The following PDE11A variants were observed in gnomAD, a reference collection of about 807,000 sequenced individuals.
The protein encoded by PDE11A is phosphodiesterase 11A, also known as dual 3',5'-cyclic-AMP and -GMP phosphodiesterase 11A.
A neutral mutation model predicts 100.5 loss-of-function variants in PDE11A; 100 were observed. The ratio of observed to expected loss-of-function variants is 1.00; its 90% confidence interval spans 0.85 to 1.18. PDE11A has a LOEUF of 1.18. PDE11A is among the 50% of genes most tolerant of loss of function. The probability of loss-of-function intolerance (pLI) is 0.00; values close to 1 mark genes in which losing one functional copy is unlikely to be tolerated. For missense variants in PDE11A, 1,141 were observed against 1,152.6 expected, an observed-to-expected ratio of 0.99 and a Z score of 0.15; for synonymous variants, 381 against 420.8, an observed-to-expected ratio of 0.91 and a Z score of 1.16.
chr2:177,923,570 A>G (rs896473897), intron 2 of PDE11A, among the ~76,000 whole-genome samples: 1 of 152,080 alleles, frequency 6.6e-6, no homozygotes, highest in Non-Finnish European at 1.5e-5. Flanking sequence ...AAGAAAACCA[A>G]TCCTCTAGTA....
chr2:178,093,281 A>T (rs1436577617), intron 2 of PDE11A, among the ~76,000 whole-genome samples: 7 of 152,200 alleles, frequency 4.6e-5, no homozygotes, highest in Non-Finnish European at 8.8e-5. Context: ...AGTTCCTTCT[A>T]GAAAAGGTCT....
intron 2 of PDE11A, among the ~76,000 whole-genome samples, chr2:177,988,763 C>T (rs1436388681): frequency 6.6e-6 from 1 of 152,092 alleles, no homozygotes; most frequent in Non-Finnish European, 1.5e-5. Context: ...TGTTGGAAGT[C>T]AAAAGGATGA....
At chr2:178,017,309 A>C (rs2086350998) in intron 1 of PDE11A, among the ~76,000 whole-genome samples, 1 of 152,246 alleles carries the variant, frequency 6.6e-6, no homozygotes. Flanking sequence ...AGCCATTTGA[A>C]TGTTGATCAA....
intron 19 of PDE11A, among the ~76,000 whole-genome samples, chr2:177,633,315 C>T (rs958586942): frequency 1.3e-5 from 2 of 152,232 alleles, no homozygotes; most frequent in Non-Finnish European, 2.9e-5. Context: ...GGAAGAATAG[C>T]TCTTTTTCTG....
intron 10 of PDE11A, among the ~76,000 whole-genome samples, chr2:177,751,846 T>C (rs1280169671): frequency 6.6e-6 from 1 of 152,230 alleles, no homozygotes; most frequent in Non-Finnish European, 1.5e-5. Flanking sequence ...CTAGGATACA[T>C]ACAGGTTTTT....
intron 1 of PDE11A, among the ~76,000 whole-genome samples, chr2:178,017,538 G>T (rs1444891463): frequency 6.6e-6 from 1 of 152,106 alleles, no homozygotes; most frequent in African/African-American, 2.4e-5. Context: ...AAGTATAAAA[G>T]CATGTAAGGG....
chr2:177,987,794 C>A (rs938121943), intron 2 of PDE11A, among the ~76,000 whole-genome samples: 1 of 151,944 alleles, frequency 6.6e-6, no homozygotes, highest in African/African-American at 2.4e-5. Flanking sequence ...TTATTTTTTG[C>A]TTAATACTTT....
intron 4 of PDE11A, among the ~76,000 whole-genome samples, chr2:177,889,096 G>T (rs2084486898): frequency 1.3e-5 from 2 of 152,060 alleles, no homozygotes; most frequent in Admixed American, 6.5e-5. Context: ...AACTACATTT[G>T]CTGTGCTCTT....
intron 19 of PDE11A, among the ~76,000 whole-genome samples, chr2:177,658,978 G>T (rs1260107505): frequency 1.3e-5 from 2 of 151,816 alleles, no homozygotes; most frequent in Non-Finnish European, 2.9e-5. Flanking sequence ...GAAGGCAGAG[G>T]CTGGGCATGG....
At chr2:178,046,430 T>G (rs2086752080) in intron 1 of PDE11A, among the ~76,000 whole-genome samples, 1 of 152,214 alleles carries the variant, frequency 6.6e-6, no homozygotes, top group African/African-American at 2.4e-5. Flanking sequence ...GTCTAAGAAA[T>G]TATAGAAAGA....
At chr2:178,083,777 G>A (rs1299083642) in intron 2 of PDE11A, among the ~76,000 whole-genome samples, 1 of 152,180 alleles carries the variant, frequency 6.6e-6, no homozygotes, top group African/African-American at 2.4e-5. Context: ...ATGAAATTTA[G>A]TGACAGAAAA....
intron 2 of PDE11A, among the ~76,000 whole-genome samples, chr2:177,969,283 G>A (rs1224764150): frequency 6.6e-6 from 1 of 152,138 alleles, no homozygotes; most frequent in Non-Finnish European, 1.5e-5. Context: ...GGAGGCAAGG[G>A]GAGGGATAGC....
intron 4 of PDE11A, among the ~76,000 whole-genome samples, chr2:177,882,746 A>G (rs530439690): frequency 5.3e-5 from 8 of 152,172 alleles, no homozygotes; most frequent in Non-Finnish European, 1.0e-4. Flanking sequence ...GTTCTTTGGA[A>G]AAGCTCCATG....
chr2:178,085,804 A>G (rs1314093546), intron 2 of PDE11A, among the ~76,000 whole-genome samples: 3 of 152,212 alleles, frequency 2.0e-5, no homozygotes, highest in Admixed American at 2.0e-4. Flanking sequence ...AACAAAGGCC[A>G]ATTAAAACTC....
rs976625070 is a variant in PDE11A at position 177,828,694 on chromosome 2, C to T, written c.1501-8399G>A. Among the ~76,000 whole-genome samples, 260 of 152,070 alleles carry T rather than the reference C, an allele frequency of 1.7e-3. 3 individuals carry two copies. The highest frequency in any genetic ancestry group is 1.3e-3 in the Non-Finnish European group (91 of 68,008). On this transcript the variant is annotated intron_variant, in intron 6 of 19. Transcript: ENST00000286063. Reference sequence around the variant, plus strand: ...GCCAGTGCAAAGCCCCTGAGGTGGGCGTGTAAGTGGCACATTATAGGAACA... The same window carrying T: ...GCCAGTGCAAAGCCCCTGAGGTGGGTGTGTAAGTGGCACATTATAGGAACA...
chr2:177,918,595 A>G (rs559395954), intron 2 of PDE11A, among the ~76,000 whole-genome samples: 2 of 152,346 alleles, frequency 1.3e-5, no homozygotes, highest in African/African-American at 4.8e-5. Flanking sequence ...ATCATAGGGG[A>G]AAAACCCCGA....
upstream of PDE11A, chr2:178,073,038 A>T (rs1031818225): frequency 1.0e-6 from 1 of 985,268 alleles, no homozygotes; most frequent in South Asian, 4.7e-5. Context: ...TTACCTCCCC[A>T]ACCCTCCCTA....
intron 1 of PDE11A, among the ~76,000 whole-genome samples, chr2:178,038,126 A>T (rs1203347774): frequency 1.3e-5 from 2 of 152,178 alleles, no homozygotes; most frequent in African/African-American, 2.4e-5. Flanking sequence ...ATATATTGAG[A>T]TATAATTGAA....
chr2:178,051,775 C>A (rs1038510974), intron 1 of PDE11A, among the ~76,000 whole-genome samples: 2 of 152,130 alleles, frequency 1.3e-5, no homozygotes, highest in Non-Finnish European at 2.9e-5. Flanking sequence ...AAGGCCATTA[C>A]ATAATGGTAA....
Sources: allele counts gnomAD v4.1 joint callset (sites outside exome capture counted in the v4.1 genomes callset), GRCh38; gene constraint gnomAD v4.1.1; transcripts MANE v1.5; gene names NCBI Gene and HGNC (gene_info 2026-07-23, HGNC 2026-07-21).